SERINC5: variants seen among roughly 807,000 people sequenced by gnomAD.
SERINC5 encodes the protein serine incorporator 5.
Under a neutral mutation model 63.1 loss-of-function variants are expected in SERINC5, and 41 were observed. The ratio of observed to expected loss-of-function variants is 0.65; its 90% CI spans 0.51 to 0.84. The LOEUF (loss-of-function observed/expected upper bound fraction) is 0.84, where lower values mean the gene tolerates loss of function less well. Ranked by LOEUF, SERINC5 falls within the 40% of genes least tolerant of loss-of-function variation. The pLI is 0.00. For synonymous variants in SERINC5, 222 were observed against 215.2 expected (o/e 1.03, Z -0.28); for missense variants, 523 against 573.0 (o/e 0.91, Z 0.89).
rs748756137 is a variant in SERINC5, at chr5:80,169,357, G to A, written c.741C>T (p.Ala247=). ...GGLCLLISLV[A]ISPWVQNRQP... is the part of the protein sequence containing the mutation. ...TACGATTTTGGACCCAGGGTGAGAT[G>A]GCTACCAATGATATAAGCAGGCACA... The change falls in exon 6 of 12, where the codon GCC becomes GCT. Residue 247 remains alanine, a synonymous_variant. Coordinates refer to ENST00000507668, the MANE Select transcript of SERINC5 (RefSeq NM_001174072.3). 2.5e-5 allele frequency: 41 copies of A among 1,613,756 alleles called. No individual in the cohort carries two copies. Among genetic ancestry groups the A allele is most frequent in the Non-Finnish European group, 3.3e-5 (39 of 1,179,788 alleles).
intron 11 of SERINC5, among the ~76,000 whole-genome samples, chr5:80,120,391 C>G (rs543191957): frequency 1.3e-5 from 2 of 152,304 alleles, no homozygotes; most frequent in Admixed American, 1.3e-4. Context: ...GGATCTACAA[C>G]ATGGAAGGAG....
chr5:80,168,152 T>C (rs995246025), intron 6 of SERINC5, among the ~76,000 whole-genome samples: 8 of 152,170 alleles, frequency 5.3e-5, no homozygotes, highest in Non-Finnish European at 1.0e-4. Context: ...ATTTCAATAA[T>C]GGTCTTAAAA....
At chr5:80,255,755 G>C in intron 1 of SERINC5, 141 bp downstream of exon 1, 1 of 592,040 alleles carries the variant, frequency 1.7e-6, no homozygotes, top group Non-Finnish European at 2.7e-6. Context: ...GCTGAGCGCC[G>C]CGGGGCCAGC....
At chr5:80,195,009 A>G (rs1205037728) in intron 2 of SERINC5, among the ~76,000 whole-genome samples, 2 of 152,134 alleles carry the variant, frequency 1.3e-5, no homozygotes, top group Non-Finnish European at 2.9e-5. Context: ...ACAATGGGCC[A>G]GGTGTGGTGG....
intron 2 of SERINC5, among the ~76,000 whole-genome samples, chr5:80,196,972 T>C (rs574961138): frequency 4.0e-4 from 58 of 145,658 alleles, no homozygotes; most frequent in African/African-American, 1.4e-3. Flanking sequence ...TAAAATAAAA[T>C]GTTATATTCA....
downstream of SERINC5, among the ~76,000 whole-genome samples, chr5:80,137,259 CAA>C (rs1033354171): frequency 9.9e-5 from 15 of 151,708 alleles, no homozygotes; most frequent in African/African-American, 3.4e-4. Flanking sequence ...ATCAGTATGT[CAA>C]AGAGATATCC....
At position 80,166,453 on chromosome 5, in the gene SERINC5, T is replaced by G; in HGVS notation, c.789A>C (p.Gln263His). 6.3e-7 allele frequency: 1 copy of G among 1,594,156 alleles called. No homozygotes were observed. The highest frequency in any genetic ancestry group is 8.5e-7 in the Non-Finnish European group (1 of 1,170,126). Residue 263 changes from glutamine (Q) to histidine (H), a missense_variant, in exon 7 of 12, where the codon CAA (glutamine) becomes CAC (histidine). By Grantham distance (24) the Gln-to-His change is conservative. Coordinates refer to ENST00000507668, the MANE Select transcript of SERINC5 (RefSeq NM_001174072.3). ...TGACATAGCAGCTTATGACCCCTGATTGTAAGAGCCCCGAGTGTGGCTGTC... is the reference window on the plus strand; with the variant it reads ...TGACATAGCAGCTTATGACCCCTGAGTGTAAGAGCCCCGAGTGTGGCTGTC... Reference protein sequence around the residue: ...QNRQPHSGLLQSGVISCYVTY... With the variant: ...QNRQPHSGLLHSGVISCYVTY...
At chr5:80,167,382 C>G (rs1747368950) in intron 6 of SERINC5, among the ~76,000 whole-genome samples, 1 of 152,152 alleles carries the variant, frequency 6.6e-6, no homozygotes, top group Non-Finnish European at 1.5e-5. Flanking sequence ...TGTCCTCCAG[C>G]CCCATCCACG....
intron 2 of SERINC5, among the ~76,000 whole-genome samples, chr5:80,183,506 C>T (rs1305533834): frequency 3.3e-5 from 5 of 152,176 alleles, no homozygotes; most frequent in Non-Finnish European, 7.4e-5. Context: ...CACGTATCCC[C>T]TGTGACTTGC....
At chr5:80,118,353 C>G (rs1744412949) in intron 11 of SERINC5, among the ~76,000 whole-genome samples, 1 of 152,112 alleles carries the variant, frequency 6.6e-6, no homozygotes, top group South Asian at 2.1e-4. Context: ...TTAGACTGTT[C>G]AGGCAACTAT....
chr5:80,238,600 G>A (rs916589640), intron 1 of SERINC5, among the ~76,000 whole-genome samples: 3 of 151,872 alleles, frequency 2.0e-5, no homozygotes, highest in East Asian at 1.9e-4. Context: ...CCTGACCAAC[G>A]TGGCAAAACC....
At position 80,255,793 on chromosome 5, in the gene SERINC5, C is replaced by A. The variant is rs1752648033; in HGVS notation, c.27+103G>T. On this transcript the variant is annotated intron_variant, in intron 1 of 11. Transcript: ENST00000507668. ...GAGCGACCCACCCGGGCCCTACGTT[C>A]GGCCGCGGAGCTGGGAGCGCACCCA... 6.3e-6 allele frequency: 8 copies of A among 1,260,176 alleles called. No individual in the cohort carries two copies. In the South Asian group the frequency reaches 9.1e-5, roughly 14 times the overall value. The allele number at this position is 1,260,176 out of a possible 1,614,324, so 78.1% of individuals were successfully genotyped here. A position where few individuals can be genotyped will look rare whatever the true frequency, so the allele number is the denominator to read the frequency against.
At chr5:80,231,064 C>T (rs1381985610) in intron 1 of SERINC5, among the ~76,000 whole-genome samples, 1 of 152,156 alleles carries the variant, frequency 6.6e-6, no homozygotes, top group Non-Finnish European at 1.5e-5. Context: ...CAGCCTCTCA[C>T]ATGGTGGGAT....
chr5:80,174,564 G>A (rs1747898837), intron 5 of SERINC5, among the ~76,000 whole-genome samples: 1 of 151,984 alleles, frequency 6.6e-6, no homozygotes, highest in South Asian at 2.1e-4. Context: ...TCTATTAAGA[G>A]CAATGAGCAC....
chr5:80,237,981 G>T (rs1751776632), intron 1 of SERINC5, among the ~76,000 whole-genome samples: 1 of 151,534 alleles, frequency 6.6e-6, no homozygotes, highest in Non-Finnish European at 1.5e-5. Context: ...GCGCGCGCCT[G>T]TAGTCCCAGC....
intron 1 of SERINC5, among the ~76,000 whole-genome samples, chr5:80,249,703 G>C (rs532066391): frequency 8.6e-5 from 13 of 152,012 alleles, no homozygotes; most frequent in Non-Finnish European, 1.3e-4. Context: ...TCAGGAGACT[G>C]AGGCAGGAGA....
At chr5:80,227,401 G>A (rs1166424920) in intron 1 of SERINC5, among the ~76,000 whole-genome samples, 1 of 152,006 alleles carries the variant, frequency 6.6e-6, no homozygotes, top group Non-Finnish European at 1.5e-5. Flanking sequence ...ACTCTTTCCT[G>A]TGCTGCTATG....
intron 11 of SERINC5, among the ~76,000 whole-genome samples, chr5:80,116,598 A>G (rs1192644425): frequency 6.6e-6 from 1 of 152,080 alleles, no homozygotes; most frequent in Admixed American, 6.5e-5. Context: ...CTCAGACGCT[A>G]GTGGCATACC....
At chr5:80,174,217 AT>A (rs891423286) in intron 5 of SERINC5, among the ~76,000 whole-genome samples, 1 of 151,886 alleles carries the variant, frequency 6.6e-6, no homozygotes, top group African/African-American at 2.4e-5. Flanking sequence ...AAAAAAAGAA[AT>A]TAGCCAAGTG....
Sources: gnomAD v4.1 joint callset for allele counts (sites outside exome capture counted in the v4.1 genomes callset) on GRCh38, gnomAD v4.1.1 for gene constraint, MANE v1.5 for transcripts, NCBI Gene and HGNC (gene_info 2026-07-23, HGNC 2026-07-21) for gene names.